Variants in HPSE2 observed in about 807,000 individuals in gnomAD.
HPSE2 encodes the protein heparanase 2 (inactive), also known as inactive heparanase-2.
Under a neutral mutation model 60.5 loss-of-function variants are expected in HPSE2, and 38 were observed. That is an observed-to-expected ratio of 0.63 (90% CI 0.48 to 0.82). The LOEUF (loss-of-function observed/expected upper bound fraction) is 0.82, where lower values mean the gene tolerates loss of function less well. Among genes scored for constraint, HPSE2 ranks in the 40% least tolerant of loss-of-function variants. HPSE2 has a pLI of 0.00. For missense variants in HPSE2, 713 were observed against 740.4 expected (o/e 0.96, Z 0.43); for synonymous variants, 295 against 293.2 (o/e 1.01, Z -0.06).
chr10:98,511,576 G>A (rs952774287), intron 9 of HPSE2, among the ~76,000 whole-genome samples: 44 of 150,928 alleles, frequency 2.9e-4, no homozygotes, highest in African/African-American at 9.7e-4. Context: ...GTGTGTGTGT[G>A]TGTGTGTGTG....
chr10:98,855,502 C>T (rs1952291480), intron 3 of HPSE2, among the ~76,000 whole-genome samples: 1 of 152,156 alleles, frequency 6.6e-6, no homozygotes, highest in South Asian at 2.1e-4. Context: ...AAGCTCCATG[C>T]TCCTAGGGGA....
intron 3 of HPSE2, among the ~76,000 whole-genome samples, chr10:99,101,542 A>G (rs1843988046): frequency 6.6e-6 from 1 of 152,212 alleles, no homozygotes. Context: ...TAATAATGGG[A>G]AACTTTAACA....
chr10:98,852,113 ATGTGTGTGTGTGTGTGTGTGTG>A (rs1555017138), intron 3 of HPSE2, among the ~76,000 whole-genome samples: 1 of 91,928 alleles, frequency 1.1e-5, no homozygotes. Context: ...GTATATTATG[ATGTGTGTGTGTGTGTGTGTGTG>A]TGTGTGTGTG....
chr10:98,732,873 T>A (rs1477806884), intron 4 of HPSE2, among the ~76,000 whole-genome samples: 2 of 152,228 alleles, frequency 1.3e-5, no homozygotes, highest in East Asian at 1.9e-4. Flanking sequence ...CTTGAATTTT[T>A]AAAAAAATAC....
At chr10:98,609,222 G>A (rs927562914) in intron 9 of HPSE2, among the ~76,000 whole-genome samples, 11 of 152,048 alleles carry the variant, frequency 7.2e-5, no homozygotes, top group African/African-American at 2.7e-4. Flanking sequence ...ATACACTATA[G>A]GGCTTCTGTT....
intron 6 of HPSE2, among the ~76,000 whole-genome samples, chr10:98,652,428 GC>G (rs1946943144): frequency 6.6e-6 from 1 of 152,150 alleles, no homozygotes; most frequent in African/African-American, 2.4e-5. Flanking sequence ...TCAGCCATCT[GC>G]TTTTTTCAAT....
chr10:99,287,264 A>G, the HPSE2 span, among the ~76,000 whole-genome samples: 1 of 152,162 alleles, frequency 6.6e-6, no homozygotes, highest in Non-Finnish European at 1.5e-5. Context: ...AAGCAGCAGG[A>G]ATAAATGAGG....
chr10:98,517,757 G>A (rs1349752002), intron 9 of HPSE2, among the ~76,000 whole-genome samples: 2 of 152,140 alleles, frequency 1.3e-5, no homozygotes, highest in African/African-American at 2.4e-5. Flanking sequence ...AAGCACCCTG[G>A]ATTGAAATTC....
At chr10:99,155,702 G>A (rs920144089) in intron 2 of HPSE2, among the ~76,000 whole-genome samples, 4 of 150,494 alleles carry the variant, frequency 2.7e-5, no homozygotes, top group East Asian at 2.0e-4. Flanking sequence ...AACTAGAAAC[G>A]CAAGAGCAAA....
At chr10:99,023,373 C>T (rs1277237573) in intron 3 of HPSE2, among the ~76,000 whole-genome samples, 2 of 152,112 alleles carry the variant, frequency 1.3e-5, no homozygotes, top group Non-Finnish European at 2.9e-5. Flanking sequence ...TGACTCTAGT[C>T]CCTAACTCCA....
chr10:98,848,634 T>A (rs903026776), intron 3 of HPSE2, among the ~76,000 whole-genome samples: 2 of 152,162 alleles, frequency 1.3e-5, no homozygotes, highest in African/African-American at 4.8e-5. Context: ...CTTACTGCTC[T>A]ATTCCTTATT....
intron 3 of HPSE2, among the ~76,000 whole-genome samples, chr10:98,881,034 T>C (rs936331056): frequency 2.6e-5 from 4 of 152,058 alleles, no homozygotes; most frequent in African/African-American, 9.7e-5. Context: ...GTTGTTCCTC[T>C]ATTTGAGGAC....
intron 2 of HPSE2, among the ~76,000 whole-genome samples, chr10:99,145,908 A>G (rs1846036116): frequency 6.6e-6 from 1 of 152,338 alleles, no homozygotes; most frequent in African/African-American, 2.4e-5. Flanking sequence ...GCACACAAAG[A>G]TAAGCCAGAT....
At chr10:98,862,685 G>A (rs981038852) in intron 3 of HPSE2, among the ~76,000 whole-genome samples, 2 of 152,196 alleles carry the variant, frequency 1.3e-5, no homozygotes, top group Non-Finnish European at 1.5e-5. Flanking sequence ...AGCCCCAAAA[G>A]AGTAGAGTAG....
intron 3 of HPSE2, among the ~76,000 whole-genome samples, chr10:98,837,189 A>G (rs1951809616): frequency 6.6e-6 from 1 of 152,260 alleles, no homozygotes; most frequent in Admixed American, 6.5e-5. Context: ...CATCAGAAAT[A>G]CCATCACAGT....
At chr10:98,559,709 C>T (rs1376096711) in intron 9 of HPSE2, among the ~76,000 whole-genome samples, 1 of 152,172 alleles carries the variant, frequency 6.6e-6, no homozygotes. Context: ...GGTCCCTACC[C>T]TCTGATGAGA....
chr10:98,477,764 T>C (rs1333535507), intron 11 of HPSE2, among the ~76,000 whole-genome samples: 1 of 152,170 alleles, frequency 6.6e-6, no homozygotes, highest in Admixed American at 6.5e-5. Flanking sequence ...CCCTAACCCC[T>C]GGGCCATGGA....
intron 2 of HPSE2, among the ~76,000 whole-genome samples, chr10:99,207,077 A>C (rs951702701): frequency 1.3e-5 from 2 of 152,336 alleles, no homozygotes; most frequent in Non-Finnish European, 2.9e-5. Flanking sequence ...AATCAATTGC[A>C]ATCCAAATAA....
chr10:98,856,209 G>A (rs1190201148), intron 3 of HPSE2, among the ~76,000 whole-genome samples: 1 of 152,044 alleles, frequency 6.6e-6, no homozygotes, highest in Non-Finnish European at 1.5e-5. Flanking sequence ...AAACAAAGAA[G>A]CAAGAAAAAC....
Sources: allele counts gnomAD v4.1 joint callset (sites outside exome capture counted in the v4.1 genomes callset), GRCh38; gene constraint gnomAD v4.1.1; transcripts MANE v1.5; gene names NCBI Gene and HGNC (gene_info 2026-07-23, HGNC 2026-07-21).